The following HTR1F variants were observed in gnomAD, a reference collection of about 807,000 sequenced individuals.
HTR1F encodes the protein 5-hydroxytryptamine receptor 1F, also known as 5-hydroxytryptamine (serotonin) receptor 1F, G protein-coupled.
In HTR1F, 17 loss-of-function variants were observed where a neutral mutation model predicts 24.0. The observed-to-expected ratio is 0.71, with a 90% CI of 0.48 to 1.06. The LOEUF is 1.06. HTR1F is among the 50% of genes least tolerant of loss of function. The probability of loss-of-function intolerance (pLI) is 0.00; values close to 1 mark genes in which losing one functional copy is unlikely to be tolerated. For missense variants in HTR1F, 391 were observed against 427.8 expected, an observed-to-expected ratio of 0.91 and a Z score of 0.76; for synonymous variants, 186 against 156.8, an observed-to-expected ratio of 1.19 and a Z score of -1.39.
At chr3:87,903,421 A>T (rs1314692159) in intron 2 of HTR1F, among the ~76,000 whole-genome samples, 5 of 152,138 alleles carry the variant, frequency 3.3e-5, no homozygotes, top group Non-Finnish European at 7.3e-5. Flanking sequence ...ACTCAAACAA[A>T]GTTACAGAAA....
chr3:87,974,666 T>G (rs1705357157), intron 2 of HTR1F, among the ~76,000 whole-genome samples: 1 of 152,206 alleles, frequency 6.6e-6, no homozygotes, highest in African/African-American at 2.4e-5. Context: ...CATATTCATT[T>G]TTATATCCAG....
chr3:87,985,113 A>T (rs1705633955), intron 2 of HTR1F, among the ~76,000 whole-genome samples: 1 of 152,290 alleles, frequency 6.6e-6, no homozygotes, highest in South Asian at 2.1e-4. Context: ...AGGCAGGCAG[A>T]TCACCTCTGG....
At chr3:87,856,901 A>C (rs578231811) in intron 2 of HTR1F, among the ~76,000 whole-genome samples, 1 of 152,226 alleles carries the variant, frequency 6.6e-6, no homozygotes, top group East Asian at 1.9e-4. Flanking sequence ...CCTTCTGAAG[A>C]TCTCAAAACA....
chr3:87,859,122 T>C (rs28513441), intron 2 of HTR1F, among the ~76,000 whole-genome samples: 37,616 of 152,116 alleles, frequency 0.25, 7,357 homozygotes, highest in African/African-American at 0.55. Flanking sequence ...TGCTTGAACC[T>C]GGGAGGTGGA....
At chr3:87,958,623 TG>T (rs1704996436) in intron 2 of HTR1F, among the ~76,000 whole-genome samples, 1 of 151,712 alleles carries the variant, frequency 6.6e-6, no homozygotes, top group South Asian at 2.1e-4. Context: ...AGATTGCTAA[TG>T]ACTTTCTAAC....
intron 2 of HTR1F, among the ~76,000 whole-genome samples, chr3:87,933,666 C>G (rs994318841): frequency 4.6e-5 from 7 of 152,042 alleles, no homozygotes; most frequent in Admixed American, 4.6e-4. Flanking sequence ...AGGACCTCTT[C>G]AAGGAGAATT....
At chr3:87,928,261 G>C (rs578001416) in intron 2 of HTR1F, among the ~76,000 whole-genome samples, 1 of 151,930 alleles carries the variant, frequency 6.6e-6, no homozygotes, top group African/African-American at 2.4e-5. Flanking sequence ...GGCCAGGCTG[G>C]TCTCAAACTC....
chr3:87,991,513 C>T lies in HTR1F; in HGVS notation c.764C>T (p.Ser255Leu). 6.2e-7 allele frequency: 1 copy of T among 1,613,542 alleles called. No homozygotes were observed. The highest frequency in any genetic ancestry group is 8.5e-7 in the Non-Finnish European group (1 of 1,179,486). The change falls in exon 3 of 3, where the codon TCA (serine) becomes TTA (leucine). Residue 255 changes from serine to leucine, a missense_variant. Coordinates refer to ENST00000319595, the MANE Select transcript of HTR1F (RefSeq NM_001322209.2). The part of the protein sequence containing the change: ...YVLEKSLSDP[S>L]TDFDKIHSTV... ...CTAGAAAAGTCTTTATCTGACCCAT[C>T]AACAGACTTTGATAAAATTCATAGC...
intron 2 of HTR1F, among the ~76,000 whole-genome samples, chr3:87,917,787 C>T (rs922615842): frequency 3.3e-5 from 5 of 151,758 alleles, no homozygotes; most frequent in Admixed American, 6.6e-5. Flanking sequence ...TTCTACCAGA[C>T]ATTCAAAGAT....
At chr3:87,954,886 C>T (rs1704911412) in intron 2 of HTR1F, among the ~76,000 whole-genome samples, 1 of 151,238 alleles carries the variant, frequency 6.6e-6, no homozygotes, top group Non-Finnish European at 1.5e-5. Context: ...TGTTTTCAAC[C>T]CCGTTCAACA....
chr3:87,945,409 G>T (rs893582314), intron 2 of HTR1F, among the ~76,000 whole-genome samples: 2 of 152,182 alleles, frequency 1.3e-5, no homozygotes, highest in Non-Finnish European at 2.9e-5. Context: ...CGATTCAGAG[G>T]TAAGGAGAAT....
At chr3:87,906,059 A>G (rs1703661040) in intron 2 of HTR1F, among the ~76,000 whole-genome samples, 1 of 152,092 alleles carries the variant, frequency 6.6e-6, no homozygotes, top group Non-Finnish European at 1.5e-5. Flanking sequence ...ACTATACATT[A>G]TTGTGTTGTG....
chr3:87,920,734 G>C lies in HTR1F; in HGVS notation c.-42-69974G>C, dbSNP rs72913776. 4.9e-3 allele frequency among the ~76,000 whole-genome samples: 741 copies of C among 152,048 alleles called. 2 individuals carry two copies. The highest frequency in any genetic ancestry group is 0.017 in the African/African-American group (708 of 41,512). ...AATGGGGCCTGCTTGAAGGTGGAGA[G>C]TGGGAGGAGGGAGAGGAACTGAAAA... On this transcript the variant is annotated intron_variant, in intron 2 of 2. Coordinates refer to ENST00000319595, the MANE Select transcript of HTR1F (RefSeq NM_001322209.2).
At chr3:87,942,964 C>G (rs1031465294) in intron 2 of HTR1F, among the ~76,000 whole-genome samples, 2 of 152,282 alleles carry the variant, frequency 1.3e-5, no homozygotes, top group Non-Finnish European at 2.9e-5. Context: ...TTCCTCAATG[C>G]CTCCCTTAGT....
chr3:87,810,747 A>G (rs1378536829), intron 1 of HTR1F, among the ~76,000 whole-genome samples: 1 of 152,182 alleles, frequency 6.6e-6, no homozygotes, highest in Non-Finnish European at 1.5e-5. Flanking sequence ...AAATTATTTC[A>G]ATATGAACTC....
intron 1 of HTR1F, among the ~76,000 whole-genome samples, chr3:87,794,857 G>A (rs1299314765): frequency 6.6e-6 from 1 of 151,432 alleles, no homozygotes; most frequent in Non-Finnish European, 1.5e-5. Context: ...TGTTTTTATT[G>A]TTCTTATAAA....
At chr3:87,956,481 T>C (rs561650022) in intron 2 of HTR1F, among the ~76,000 whole-genome samples, 3 of 151,410 alleles carry the variant, frequency 2.0e-5, no homozygotes, top group Non-Finnish European at 4.4e-5. Flanking sequence ...TTAAAATATG[T>C]TTACCTTTCC....
intron 2 of HTR1F, among the ~76,000 whole-genome samples, chr3:87,956,357 T>G (rs1704943591): frequency 6.6e-6 from 1 of 151,448 alleles, no homozygotes; most frequent in Non-Finnish European, 1.5e-5. Flanking sequence ...GAGGACTCTT[T>G]AAAGTATTGC....
At chr3:87,899,002 T>C (rs1174200639) in intron 2 of HTR1F, among the ~76,000 whole-genome samples, 2 of 152,196 alleles carry the variant, frequency 1.3e-5, no homozygotes, top group African/African-American at 4.8e-5. Context: ...AAGATTCTGC[T>C]ATGAGGAGCA....
Sources: gnomAD v4.1 joint callset for allele counts (sites outside exome capture counted in the v4.1 genomes callset) on GRCh38, gnomAD v4.1.1 for gene constraint, MANE v1.5 for transcripts, NCBI Gene and HGNC (gene_info 2026-07-23, HGNC 2026-07-21) for gene names.